The following RPSA2 variants were observed in gnomAD, a reference collection of about 807,000 sequenced individuals.
RPSA2 encodes the protein ribosomal protein SA 2.
At chr19:23,767,574 G>C in the RPSA2 span, among the ~76,000 whole-genome samples, 1 of 151,976 alleles carries the variant, frequency 6.6e-6, no homozygotes, top group Non-Finnish European at 1.5e-5. Context: ...CTCACAGTGG[G>C]GTACAAAGTG....
the RPSA2 span, chr19:23,827,510 T>C: frequency 1.3e-4 from 210 of 1,597,112 alleles, no homozygotes; most frequent in Middle Eastern, 1.1e-3. Flanking sequence ...GGCAGCCTTC[T>C]GGGAGCCACG....
the RPSA2 span, chr19:23,827,128 G>A: frequency 3.9e-6 from 3 of 765,328 alleles, no homozygotes; most frequent in Non-Finnish European, 4.5e-6. Flanking sequence ...CGTTGTTCTG[G>A]ATTCCCGTCG....
the RPSA2 span, among the ~76,000 whole-genome samples, chr19:23,836,256 C>T: frequency 3.3e-5 from 5 of 152,142 alleles, no homozygotes; most frequent in Non-Finnish European, 5.9e-5. Context: ...GGTTGGTTTT[C>T]CATTCCTGAG....
At chr19:23,859,574 C>T in the RPSA2 span, among the ~76,000 whole-genome samples, 4 of 152,064 alleles carry the variant, frequency 2.6e-5, no homozygotes, top group African/African-American at 9.7e-5. Flanking sequence ...TTGCGGTCAG[C>T]TGAGCTCACA....
chr19:23,761,905 T>A, the RPSA2 span, among the ~76,000 whole-genome samples: 24 of 38,182 alleles, frequency 6.3e-4, no homozygotes, highest in Non-Finnish European at 8.9e-4. Flanking sequence ...AACGTAATTC[T>A]TTCTTTCTTT....
the RPSA2 span, among the ~76,000 whole-genome samples, chr19:23,825,343 T>G: frequency 2.2e-4 from 34 of 152,322 alleles, 1 homozygote; most frequent in African/African-American, 7.9e-4. Flanking sequence ...ATTAATTGTG[T>G]TTTGATTTTT....
the RPSA2 span, among the ~76,000 whole-genome samples, chr19:23,772,848 A>G: frequency 6.6e-6 from 1 of 152,190 alleles, no homozygotes; most frequent in Non-Finnish European, 1.5e-5. Context: ...GAGGACTACT[A>G]TCCAAACCCA....
chr19:23,789,019 C>CTTTTTTTTTTTTTT, the RPSA2 span, among the ~76,000 whole-genome samples: 137 of 112,606 alleles, frequency 1.2e-3, 10 homozygotes, highest in Middle Eastern at 5.6e-3. Context: ...TTTTTTCTTT[C>CTTTTTTTTTTTTTT]TTTCTTTTTT....
chr19:23,804,458 G>A, the RPSA2 span, among the ~76,000 whole-genome samples: 1 of 6,348 alleles, frequency 1.6e-4, no homozygotes, highest in Non-Finnish European at 5.7e-3. Flanking sequence ...CACCACACCC[G>A]GCTAATTTTT....
chr19:23,771,671 A>G, the RPSA2 span, among the ~76,000 whole-genome samples: 1 of 152,134 alleles, frequency 6.6e-6, no homozygotes, highest in Non-Finnish European at 1.5e-5. Flanking sequence ...GGCATTGGAC[A>G]TATCACTGTG....
the RPSA2 span, chr19:23,782,445 AGC>A: frequency 1.5e-4 from 23 of 151,994 alleles, no homozygotes; most frequent in African/African-American, 5.6e-4. Context: ...GACTACAGGG[AGC>A]ATTGTGACAT....
the RPSA2 span, among the ~76,000 whole-genome samples, chr19:23,861,933 T>C: frequency 2.6e-5 from 4 of 152,142 alleles, no homozygotes; most frequent in African/African-American, 7.2e-5. Context: ...GAGCGGATCA[T>C]GTCTCTATGG....
At chr19:23,828,751 ACT>A in the RPSA2 span, among the ~76,000 whole-genome samples, 3 of 146,142 alleles carry the variant, frequency 2.1e-5, no homozygotes, top group African/African-American at 7.6e-5. Flanking sequence ...GTTCTCCATA[ACT>A]CTGTTTGGAA....
At chr19:23,820,363 C>G in the RPSA2 span, among the ~76,000 whole-genome samples, 1 of 152,212 alleles carries the variant, frequency 6.6e-6, no homozygotes, top group Admixed American at 6.5e-5. Context: ...GCTAGTCTCA[C>G]ATTAGATAAT....
At chr19:23,859,128 G>C in the RPSA2 span, among the ~76,000 whole-genome samples, 18 of 152,258 alleles carry the variant, frequency 1.2e-4, no homozygotes, top group African/African-American at 4.3e-4. Context: ...AAGTGACCCT[G>C]CTTCATTATG....
the RPSA2 span, among the ~76,000 whole-genome samples, chr19:23,843,929 T>G: frequency 6.6e-6 from 1 of 152,126 alleles, no homozygotes; most frequent in Admixed American, 6.5e-5. Context: ...CTGGCTAATT[T>G]TGTATTTTTA....
At chr19:23,858,727 G>A in the RPSA2 span, among the ~76,000 whole-genome samples, 1 of 152,212 alleles carries the variant, frequency 6.6e-6, no homozygotes, top group Non-Finnish European at 1.5e-5. Flanking sequence ...CAAAATGGTA[G>A]CTCCATCTTC....
chr19:23,761,814 G>T, the RPSA2 span, among the ~76,000 whole-genome samples: 1 of 151,686 alleles, frequency 6.6e-6, no homozygotes, highest in African/African-American at 2.4e-5. Context: ...GAAATGCAGC[G>T]TAGTCACGGC....
At chr19:23,833,587 T>C in the RPSA2 span, among the ~76,000 whole-genome samples, 19 of 152,062 alleles carry the variant, frequency 1.2e-4, no homozygotes, top group Non-Finnish European at 2.2e-4. Flanking sequence ...TAACTAATGC[T>C]CACACGTTAT....
Sources: allele counts gnomAD v4.1 joint callset (sites outside exome capture counted in the v4.1 genomes callset), GRCh38; gene constraint gnomAD v4.1.1; transcripts MANE v1.5; gene names NCBI Gene and HGNC (gene_info 2026-07-23, HGNC 2026-07-21).